The following DPYD variants were observed in gnomAD, a reference collection of about 807,000 sequenced individuals.
The protein encoded by DPYD is dihydropyrimidine dehydrogenase, also known as dihydropyrimidine dehydrogenase [NADP(+)].
A neutral mutation model predicts 116.2 loss-of-function variants in DPYD; 109 were observed. The ratio of observed to expected loss-of-function variants is 0.94; its 90% CI spans 0.80 to 1.10. DPYD has a LOEUF of 1.10. Ranked by LOEUF, DPYD falls within the 50% of genes least tolerant of loss-of-function variation. DPYD has a pLI of 0.00. For missense variants in DPYD, 1,302 were observed against 1,254.5 expected (o/e 1.04, Z -0.57); for synonymous variants, 440 against 432.0 (o/e 1.02, Z -0.23).
chr1:97,504,592 A>AT (rs1439006164), intron 13 of DPYD, among the ~76,000 whole-genome samples: 3 of 151,986 alleles, frequency 2.0e-5, no homozygotes, highest in Admixed American at 1.3e-4. Context: ...GATGGGAAGT[A>AT]TTTTTGAAGA....
chr1:97,480,587 G>A (rs1362848313), intron 13 of DPYD, among the ~76,000 whole-genome samples: 2 of 152,188 alleles, frequency 1.3e-5, no homozygotes, highest in African/African-American at 4.8e-5. Flanking sequence ...AAAAGACGAG[G>A]CAGGGAATTG....
chr1:97,587,824 C>CAAAAAAA (rs1245977630), intron 10 of DPYD, among the ~76,000 whole-genome samples: 1 of 57,424 alleles, frequency 1.7e-5, no homozygotes. Context: ...ACTCCATCTC[C>CAAAAAAA]AAAAAAAAAA....
chr1:97,345,378 G>T (rs1669789381), intron 16 of DPYD, among the ~76,000 whole-genome samples: 1 of 151,294 alleles, frequency 6.6e-6, no homozygotes, highest in Admixed American at 6.6e-5. Flanking sequence ...TCAACAAAAT[G>T]GGCTCTACAT....
chr1:97,338,591 G>C (rs1669424432), intron 16 of DPYD, among the ~76,000 whole-genome samples: 1 of 152,116 alleles, frequency 6.6e-6, no homozygotes, highest in African/African-American at 2.4e-5. Context: ...GGGAGGGTAG[G>C]GGTGATGCAA....
chr1:97,335,299 TAC>T (rs35371362), intron 16 of DPYD, among the ~76,000 whole-genome samples: 13,006 of 135,982 alleles, frequency 0.096, 580 homozygotes, highest in Non-Finnish European at 0.12. Flanking sequence ...TGGAGTTAAG[TAC>T]ACACACACAC....
chr1:97,473,287 T>C (rs753883282), intron 13 of DPYD, among the ~76,000 whole-genome samples: 9 of 152,234 alleles, frequency 5.9e-5, no homozygotes, highest in Non-Finnish European at 1.3e-4. Context: ...GGTTCATCCA[T>C]GTTGCCCCAA....
At chr1:97,332,987 C>CT (rs750416631) in intron 16 of DPYD, among the ~76,000 whole-genome samples, 20 of 151,280 alleles carry the variant, frequency 1.3e-4, no homozygotes, top group Admixed American at 3.3e-4. Flanking sequence ...AGTCTCAACT[C>CT]TTTTTTTAAC....
intron 13 of DPYD, among the ~76,000 whole-genome samples, chr1:97,507,595 T>C (rs2811181): frequency 0.99 from 150,169 of 152,076 alleles, 74,185 homozygotes; most frequent in Middle Eastern, 1. Context: ...TTGTGATGTT[T>C]TGTATTGTAA....
intron 8 of DPYD, among the ~76,000 whole-genome samples, chr1:97,641,849 C>T (rs529040043): frequency 6.6e-6 from 1 of 152,276 alleles, no homozygotes; most frequent in South Asian, 2.1e-4. Flanking sequence ...ATTTAGAAAA[C>T]CCCATCGTCT....
chr1:97,691,606 T>G (rs1661010255), intron 7 of DPYD, 111 bp downstream of exon 7: 6 of 939,054 alleles, frequency 6.4e-6, no homozygotes, highest in Non-Finnish European at 1.0e-5. Context: ...CTGCCTGATG[T>G]AGCTTTTAAT....
chr1:97,814,588 C>A (rs1348509044), intron 3 of DPYD, among the ~76,000 whole-genome samples: 1 of 152,054 alleles, frequency 6.6e-6, no homozygotes, highest in East Asian at 1.9e-4. Flanking sequence ...ATTTTTTCCA[C>A]GAATTCCAGA....
intron 13 of DPYD, among the ~76,000 whole-genome samples, chr1:97,480,018 T>A (rs531478350): frequency 2.0e-5 from 3 of 152,218 alleles, no homozygotes; most frequent in Non-Finnish European, 4.4e-5. Context: ...AGAACTTGTA[T>A]CTTCCTGCTT....
chr1:97,256,700 A>C (rs1663500467), intron 18 of DPYD, among the ~76,000 whole-genome samples: 2 of 151,894 alleles, frequency 1.3e-5, no homozygotes, highest in Admixed American at 6.6e-5. Flanking sequence ...AGACTAATAC[A>C]CTTCCTCTTA....
intron 16 of DPYD, among the ~76,000 whole-genome samples, chr1:97,335,344 ACG>A (rs1491089853): frequency 1.4e-5 from 2 of 146,992 alleles, no homozygotes; most frequent in East Asian, 4.0e-4. Flanking sequence ...ACACACACAC[ACG>A]ATGCCTGGGA....
At chr1:97,302,471 C>A (rs1384291302) in intron 18 of DPYD, among the ~76,000 whole-genome samples, 2 of 151,852 alleles carry the variant, frequency 1.3e-5, no homozygotes, top group Non-Finnish European at 2.9e-5. Context: ...CACCGCCCCC[C>A]AGAGTTTAAT....
chr1:97,324,476 T>A (rs368550405), intron 16 of DPYD, among the ~76,000 whole-genome samples: 123 of 152,158 alleles, frequency 8.1e-4, no homozygotes, highest in African/African-American at 2.8e-3. Context: ...ACGGCAGGTG[T>A]ATGCCAAATA....
intron 13 of DPYD, among the ~76,000 whole-genome samples, chr1:97,487,162 T>C (rs1187806802): frequency 1.3e-5 from 2 of 152,126 alleles, no homozygotes; most frequent in African/African-American, 4.8e-5. Context: ...TAATTGATTA[T>C]AGTATTTTGG....
chr1:97,174,938 C>T (rs1241675122), intron 20 of DPYD, among the ~76,000 whole-genome samples: 2 of 152,090 alleles, frequency 1.3e-5, no homozygotes, highest in Non-Finnish European at 2.9e-5. Context: ...ATTTGTTACT[C>T]CCATTTTAAA....
At chr1:97,755,885 C>T (rs1345719728) in intron 3 of DPYD, among the ~76,000 whole-genome samples, 1 of 152,062 alleles carries the variant, frequency 6.6e-6, no homozygotes, top group Admixed American at 6.6e-5. Context: ...TAATGTAAAT[C>T]ATTTGTATTA....
Sources: allele counts gnomAD v4.1 joint callset (sites outside exome capture counted in the v4.1 genomes callset), GRCh38; gene constraint gnomAD v4.1.1; transcripts MANE v1.5; gene names NCBI Gene and HGNC (gene_info 2026-07-23, HGNC 2026-07-21).